The following ZNF175 variants were observed in gnomAD, a reference collection of about 807,000 sequenced individuals.
The protein encoded by ZNF175 is zinc finger protein OTK18.
ZNF175 carries 8 observed loss-of-function variants against 14.0 expected under a neutral mutation model. The observed-to-expected ratio is 0.57, with a 90% CI of 0.34 to 1.03. The LOEUF (loss-of-function observed/expected upper bound fraction) is 1.03, where lower values mean the gene tolerates loss of function less well. Among genes scored for constraint, ZNF175 ranks in the 50% least tolerant of loss-of-function variants. The pLI is 0.03. For synonymous variants in ZNF175, 255 were observed against 296.8 expected, an observed-to-expected ratio of 0.86 and a Z score of 1.45; for missense variants, 764 against 849.5, an observed-to-expected ratio of 0.90 and a Z score of 1.25.
intron 4 of ZNF175, among the ~76,000 whole-genome samples, chr19:51,583,088 C>T (rs4802816): frequency 0.23 from 34,424 of 152,072 alleles, 4,988 homozygotes; most frequent in East Asian, 0.69. Context: ...CTCCCGACCT[C>T]AGGTGTTCCG....
chr19:51,574,903 C>T (rs1981720289), intron 2 of ZNF175, among the ~76,000 whole-genome samples: 1 of 152,114 alleles, frequency 6.6e-6, no homozygotes, highest in African/African-American at 2.4e-5. Context: ...ACTGCTGTCG[C>T]TAATTCAGAT....
chr19:51,577,872 C>T (rs1393771007), intron 2 of ZNF175, among the ~76,000 whole-genome samples: 5 of 151,158 alleles, frequency 3.3e-5, no homozygotes, highest in Admixed American at 6.6e-5. Context: ...ACCGTGTTAG[C>T]CAGGATGGTC....
chr19:51,580,059 G>A (rs1399738688), intron 2 of ZNF175, among the ~76,000 whole-genome samples: 2 of 151,664 alleles, frequency 1.3e-5, no homozygotes, highest in Non-Finnish European at 2.9e-5. Context: ...GAATATAATG[G>A]ATTAAGTAAA....
Position 51,589,183 on chromosome 19 carries a change from T to G in ZNF175, c.*716T>G, listed in dbSNP as rs908948407. 1.4e-5 allele frequency: 3 copies of G among 211,010 alleles called. No homozygotes were observed. The highest frequency in any genetic ancestry group is 2.8e-5 in the Non-Finnish European group (3 of 107,886). The allele number at this position is 211,010 out of a possible 1,614,324, so 13.1% of individuals were successfully genotyped here. On this transcript the variant is annotated 3_prime_UTR_variant, in exon 5 of 5. Transcript: ENST00000262259. ...TCAGATTAGGAATACCCAACCTGTA[T>G]GTACGTATATTTCTGTATCTATGTA...
At position 51,591,005 on chromosome 19, in the gene ZNF175, T is replaced by TCACTTG. The variant is rs1982327915; in HGVS notation, c.*2541_*2542insTTGCAC. On this transcript the variant is annotated 3_prime_UTR_variant, in exon 5 of 5. Coordinates refer to ENST00000262259, the MANE Select transcript of ZNF175 (RefSeq NM_007147.4). ...TCTGGGCTTTCCCTGTTCCTAAGCA[T>TCACTTG]CACCTGGGGGGATCACTCTGGGTCC... is the stretch of plus-strand genomic sequence containing the variant. The TCACTTG allele has an allele frequency of 6.6e-6, 1 of 151,902 alleles. No individual in the cohort carries two copies. Among genetic ancestry groups the TCACTTG allele is most frequent in the South Asian group, 2.1e-4 (1 of 4,814 alleles). 9.4% of individuals were successfully genotyped at this position (151,902 alleles called of 1,614,324 possible). A position where few individuals can be genotyped will look rare whatever the true frequency, so the allele number is the denominator to read the frequency against.
intron 4 of ZNF175, among the ~76,000 whole-genome samples, chr19:51,586,184 CAT>C (rs1211548873): frequency 2.0e-5 from 3 of 152,324 alleles, no homozygotes; most frequent in African/African-American, 7.2e-5. Flanking sequence ...GCTGCCCACA[CAT>C]GTTGCCCTGC....
At position 51,589,270 on chromosome 19, in the gene ZNF175, G is replaced by A. The variant is rs1011986592; in HGVS notation, c.*803G>A. On this transcript the variant is annotated 3_prime_UTR_variant, in exon 5 of 5. Transcript: ENST00000262259. ...CTGGTCAGCATATGTGTATGTATGC[G>A]TATGTATGTATGTATGTATGCCCTC... is the stretch of plus-strand genomic sequence containing the variant. The A allele has an allele frequency of 3.7e-5, 11 of 299,368 alleles. No homozygotes were observed. The highest frequency in any genetic ancestry group is 2.6e-4 in the Admixed American group (4 of 15,522). The allele number at this position is 299,368 out of a possible 1,614,324, so 18.5% of individuals were successfully genotyped here. A position where few individuals can be genotyped will look rare whatever the true frequency, so the allele number is the denominator to read the frequency against.
rs1982376138 is a variant in ZNF175, at chr19:51,592,224, G to T, written c.*3757G>T. 2 of 188,132 alleles carry T rather than the reference G, an allele frequency of 1.1e-5. No homozygotes were observed. The highest frequency in any genetic ancestry group is 1.1e-4 in the Admixed American group (2 of 18,304). 11.7% of individuals were successfully genotyped at this position (188,132 alleles called of 1,614,324 possible). On this transcript the variant is annotated 3_prime_UTR_variant, in exon 5 of 5. Coordinates refer to ENST00000262259, the MANE Select transcript of ZNF175 (RefSeq NM_007147.4). ...TGGGCACAGTAGTAGTTAGGCTCAT[G>T]GGCTCTGGAGCCAACCTACCTGGAT...
chr19:51,571,888 T>G (rs1981598829), intron 1 of ZNF175, among the ~76,000 whole-genome samples: 1 of 152,048 alleles, frequency 6.6e-6, no homozygotes, highest in African/African-American at 2.4e-5. Flanking sequence ...TAGGAATCAG[T>G]AGAGTGGGGT....
intron 2 of ZNF175, among the ~76,000 whole-genome samples, chr19:51,578,354 C>T (rs1344986638): frequency 6.6e-6 from 1 of 151,992 alleles, no homozygotes; most frequent in Non-Finnish European, 1.5e-5. Flanking sequence ...GATCCAAGAT[C>T]ATGCCATTGC....
chr19:51,576,789 CTTT>C (rs1981803373), intron 2 of ZNF175, among the ~76,000 whole-genome samples: 1 of 25,270 alleles, frequency 4.0e-5, no homozygotes, highest in South Asian at 2.8e-3. Context: ...GTCTTGAATC[CTTT>C]CTTGAATCCT....
chr19:51,582,735 C>CT (rs759771158), intron 4 of ZNF175, among the ~76,000 whole-genome samples: 1 of 151,876 alleles, frequency 6.6e-6, no homozygotes, highest in East Asian at 1.9e-4. Flanking sequence ...AGTTTTCTGC[C>CT]TTTTTTTTCC....
rs111655742 is a variant in ZNF175 at position 51,576,926 on chromosome 19, T to C, written c.72+3525T>C. Among the ~76,000 whole-genome samples the C allele has an allele frequency of 5.8e-3, 877 of 152,252 alleles. 11 individuals are homozygous for C. Among genetic ancestry groups the C allele is most frequent in the Non-Finnish European group, 6.6e-3 (447 of 68,010 alleles). ...ACTTATCTGAACATGTCTGTTCAGA[T>C]AACGGAGACTAAACTTAAGAATAGG... On this transcript the variant is annotated intron_variant, in intron 2 of 4. Coordinates refer to ENST00000262259, the MANE Select transcript of ZNF175 (RefSeq NM_007147.4).
Position 51,575,989 on chromosome 19 carries a change from G to A in ZNF175, c.72+2588G>A, listed in dbSNP as rs371181513. On this transcript the variant is annotated intron_variant, in intron 2 of 4. Transcript: ENST00000262259. ...ATAACTCTCTGCCTGCATAACTTAC[G>A]GTTTTTCCCTGGAGCACACAATTTT... is the stretch of plus-strand genomic sequence containing the variant. 5.9e-5 allele frequency among the ~76,000 whole-genome samples: 9 copies of A among 152,066 alleles called. No individual in the cohort carries two copies. In the South Asian group the frequency reaches 6.2e-4, roughly 11 times the overall value.
chr19:51,592,152 C>G lies in ZNF175; in HGVS notation c.*3685C>G, dbSNP rs1412199052. 1.9e-5 allele frequency: 3 copies of G among 158,804 alleles called. No homozygotes were observed. Among genetic ancestry groups the G allele is most frequent in the Admixed American group, 6.2e-5 (1 of 16,132 alleles). 9.8% of individuals were successfully genotyped at this position (158,804 alleles called of 1,614,324 possible). A position where few individuals can be genotyped will look rare whatever the true frequency, so the allele number is the denominator to read the frequency against. On this transcript the variant is annotated 3_prime_UTR_variant, in exon 5 of 5. Transcript: ENST00000262259. ...AGTCCCCTGCCCCCACCCCCAAAAC[C>G]AGTACTTGATCCATCCTTTGACTGT...
rs1194439875 is a variant in ZNF175 at position 51,587,163 on chromosome 19, C to T, written c.832C>T (p.Pro278Ser). 2.5e-6 allele frequency: 4 copies of T among 1,614,004 alleles called. No individual in the cohort carries two copies. The highest frequency in any genetic ancestry group is 3.4e-6 in the Non-Finnish European group (4 of 1,180,020). The change falls in exon 5 of 5, where the codon CCA (proline) becomes TCA (serine). Residue 278 changes from proline (P) to serine (S), a missense_variant. Physicochemically the swap from Pro to Ser is moderately conservative, Grantham distance 74. Coordinates refer to ENST00000262259, the MANE Select transcript of ZNF175 (RefSeq NM_007147.4). ...KQHQIHTQKK[P>S]DGCSECGGSF... ...ACATCAAATTCATACTCAGAAGAAA[C>T]CAGATGGATGTTCTGAATGTGGGGG... is the stretch of plus-strand genomic sequence containing the variant.
At chr19:51,583,043 C>T (rs143255165) in intron 4 of ZNF175, among the ~76,000 whole-genome samples, 1,725 of 152,090 alleles carry the variant, frequency 0.011, 34 homozygotes, top group African/African-American at 0.037. Context: ...CTAGTAGAGA[C>T]GGGGTTTCTC....
intron 2 of ZNF175, among the ~76,000 whole-genome samples, chr19:51,575,007 G>A (rs1441923081): frequency 1.3e-5 from 2 of 152,038 alleles, no homozygotes; most frequent in Non-Finnish European, 2.9e-5. Flanking sequence ...GCTCTGGACA[G>A]TACTATTTTT....
In ZNF175 at chr19:51,573,425, T is replaced by C. The variant is rs78783069; in HGVS notation, c.72+24T>C. On this transcript the variant is annotated intron_variant, in intron 2 of 4. Coordinates refer to ENST00000262259, the MANE Select transcript of ZNF175 (RefSeq NM_007147.4). ...AGGTAAACAGGGGCAGCCCTGGGGA[T>C]AGTTCTCCAGAACGTGAGGGCAGAC... The C allele has an allele frequency of 2.0e-3, 3,204 of 1,611,638 alleles. 64 individuals are homozygous for C. The East Asian group carries it at 0.04, about 20-fold the overall frequency.
Sources: allele counts gnomAD v4.1 joint callset (sites outside exome capture counted in the v4.1 genomes callset), GRCh38; gene constraint gnomAD v4.1.1; transcripts MANE v1.5; gene names NCBI Gene and HGNC (gene_info 2026-07-23, HGNC 2026-07-21).